The following ARID4B variants were observed in gnomAD, a reference collection of about 807,000 sequenced individuals.
ARID4B encodes AT-rich interaction domain 4B, also known as AT-rich interactive domain-containing protein 4B.
In ARID4B, 26 loss-of-function variants were observed where a neutral mutation model predicts 147.5. The observed-to-expected ratio is 0.18, with a 90% CI of 0.13 to 0.24. ARID4B has a LOEUF of 0.24. Among genes scored for constraint, ARID4B ranks in the 10% least tolerant of loss-of-function variants. The pLI is 1.00. For missense variants in ARID4B, 1,179 were observed against 1,511.5 expected, an observed-to-expected ratio of 0.78 and a Z score of 3.65; for synonymous variants, 512 against 507.9, an observed-to-expected ratio of 1.01 and a Z score of -0.11.
intron 17 of ARID4B, among the ~76,000 whole-genome samples, chr1:235,210,232 CT>C (rs1182680174): frequency 4.0e-5 from 6 of 150,958 alleles, no homozygotes; most frequent in Non-Finnish European, 8.9e-5. Flanking sequence ...CTGTCTCTCT[CT>C]TTTTTTTTAA....
intron 2 of ARID4B, among the ~76,000 whole-genome samples, chr1:235,262,837 A>G (rs1363558386): frequency 6.6e-6 from 1 of 152,224 alleles, no homozygotes; most frequent in Admixed American, 6.5e-5. Flanking sequence ...TAAGGATGGG[A>G]ATATAATGTA....
chr1:235,270,632 G>A (rs934973568), intron 2 of ARID4B, among the ~76,000 whole-genome samples: 2 of 152,238 alleles, frequency 1.3e-5, no homozygotes, highest in African/African-American at 2.4e-5. Flanking sequence ...ACAGGCAAGA[G>A]AGAAATTGGG....
chr1:235,176,763 T>C (rs1663914486), intron 21 of ARID4B: 2 of 453,864 alleles, frequency 4.4e-6, no homozygotes, highest in Non-Finnish European at 9.0e-6. Context: ...GGAAGTCATA[T>C]GGGCTCAGCA....
chr1:235,320,179 C>T (rs1674727250), intron 2 of ARID4B, among the ~76,000 whole-genome samples: 1 of 151,370 alleles, frequency 6.6e-6, no homozygotes, highest in Non-Finnish European at 1.5e-5. Context: ...GTGGCAGGTG[C>T]CTGTAATCCC....
At chr1:235,211,547 A>G (rs542924581) in intron 17 of ARID4B, among the ~76,000 whole-genome samples, 6 of 152,334 alleles carry the variant, frequency 3.9e-5, no homozygotes, top group East Asian at 1.9e-4. Context: ...TCTCATGGGC[A>G]TTATGCAGTA....
intron 19 of ARID4B, among the ~76,000 whole-genome samples, chr1:235,186,466 G>A (rs764586705): frequency 3.2e-4 from 47 of 146,800 alleles, no homozygotes; most frequent in Admixed American, 8.8e-4. Flanking sequence ...GCTGGAGTGC[G>A]CTGGCAAGAT....
chr1:235,325,343 T>C (rs748575167), intron 2 of ARID4B, among the ~76,000 whole-genome samples: 55 of 151,904 alleles, frequency 3.6e-4, no homozygotes, highest in Admixed American at 2.6e-4. Context: ...CAACATACTT[T>C]CATTTTTTTA....
At chr1:235,168,742 G>A (rs1003466973) in intron 23 of ARID4B, 90 bp from the exon 24 acceptor site, 57 of 1,369,302 alleles carry the variant, frequency 4.2e-5, no homozygotes, top group African/African-American at 4.1e-4. Context: ...CTAAAATTCC[G>A]CTATATTGTC....
At chr1:235,190,176 G>C (rs540132325) in intron 19 of ARID4B, 1 of 152,082 alleles carries the variant, frequency 6.6e-6, no homozygotes, top group African/African-American at 2.4e-5. Flanking sequence ...AGCAGGGCAT[G>C]GTGGCTCATG....
intron 2 of ARID4B, among the ~76,000 whole-genome samples, chr1:235,290,922 C>T (rs2382616): frequency 0.48 from 72,718 of 152,024 alleles, 17,737 homozygotes; most frequent in South Asian, 0.6. Context: ...ATAGTGCTAC[C>T]GTGTCTGTAC....
chr1:235,208,045 A>T (rs763581569), intron 17 of ARID4B, among the ~76,000 whole-genome samples: 1 of 152,230 alleles, frequency 6.6e-6, no homozygotes, highest in Non-Finnish European at 1.5e-5. Flanking sequence ...TCTTCAACAT[A>T]CAAAAAATTA....
intron 20 of ARID4B, 99 bp downstream of exon 20, chr1:235,181,486 C>A: frequency 5.6e-6 from 8 of 1,424,224 alleles, no homozygotes; most frequent in Non-Finnish European, 7.5e-6. Context: ...AAATATGACA[C>A]TTAATCGCCT....
At chr1:235,236,834 A>ATATATATATATATATGTG (rs1668607128) in intron 8 of ARID4B, among the ~76,000 whole-genome samples, 1 of 21,158 alleles carries the variant, frequency 4.7e-5, no homozygotes, top group Non-Finnish European at 7.9e-5. Context: ...TTTATAAAAA[A>ATATATATATATATATGTG]TATATATATA....
At chr1:235,265,988 A>T (rs1438868354) in intron 2 of ARID4B, among the ~76,000 whole-genome samples, 3 of 152,098 alleles carry the variant, frequency 2.0e-5, no homozygotes, top group African/African-American at 7.2e-5. Flanking sequence ...GTTAAGTCAT[A>T]AAAAAAATTC....
chr1:235,195,371 T>C (rs1469788837), intron 18 of ARID4B, among the ~76,000 whole-genome samples: 1 of 152,070 alleles, frequency 6.6e-6, no homozygotes, highest in Non-Finnish European at 1.5e-5. Flanking sequence ...GGCGGGCGGA[T>C]CACCTGAGGT....
intron 11 of ARID4B, 21 bp from the exon 12 acceptor site, chr1:235,224,796 A>G: frequency 1.3e-6 from 2 of 1,498,944 alleles, no homozygotes; most frequent in South Asian, 2.4e-5. Flanking sequence ...TCACAGAAGA[A>G]TATTATTTTC....
intron 2 of ARID4B, among the ~76,000 whole-genome samples, chr1:235,291,521 C>T (rs1238012750): frequency 4.0e-5 from 6 of 151,284 alleles, no homozygotes; most frequent in African/African-American, 1.5e-4. Context: ...GCAAGTTATA[C>T]CTCAATAAAA....
intron 17 of ARID4B, among the ~76,000 whole-genome samples, chr1:235,213,300 T>C (rs932400959): frequency 1.3e-5 from 2 of 152,218 alleles, no homozygotes; most frequent in African/African-American, 4.8e-5. Context: ...AAGGCTGTAA[T>C]GCAATAGCTG....
chr1:235,276,129 C>A (rs895864956), intron 2 of ARID4B, among the ~76,000 whole-genome samples: 9 of 140,572 alleles, frequency 6.4e-5, no homozygotes, highest in African/African-American at 2.1e-4. Flanking sequence ...CAGACAGAGA[C>A]TTTCAAAAAA....
Sources: gnomAD v4.1 joint callset for allele counts (sites outside exome capture counted in the v4.1 genomes callset) on GRCh38, gnomAD v4.1.1 for gene constraint, MANE v1.5 for transcripts, NCBI Gene and HGNC (gene_info 2026-07-23, HGNC 2026-07-21) for gene names.